The following PRKD3 variants were observed in gnomAD, a reference collection of about 807,000 sequenced individuals.
PRKD3 encodes the protein serine/threonine-protein kinase D3.
In PRKD3, 47 loss-of-function variants were observed where a neutral mutation model predicts 99.2. The observed-to-expected ratio is 0.47, with a 90% CI of 0.38 to 0.60. The LOEUF (loss-of-function observed/expected upper bound fraction) is 0.60. Ranked by LOEUF, PRKD3 falls within the 20% of genes least tolerant of loss-of-function variation. The pLI is 0.00. For synonymous variants in PRKD3, 392 were observed against 355.4 expected (o/e 1.10, Z -1.16); for missense variants, 1,019 against 1,088.4 (o/e 0.94, Z 0.90).
Position 37,316,224 on chromosome 2 carries a change from GCACA to G in PRKD3, c.288+9_288+12del. ...ACAATATTATTTACTACTGATAATA[GCACA>G]CACAGTACCTTTTGATAAACTATGG... On this transcript the variant is annotated intron_variant, in intron 2 of 18. Coordinates refer to ENST00000234179, the MANE Select transcript of PRKD3 (RefSeq NM_005813.6). 1.3e-6 allele frequency: 2 copies of G among 1,590,594 alleles called. No individual in the cohort carries two copies. The highest frequency in any genetic ancestry group is 1.7e-6 in the Non-Finnish European group (2 of 1,159,720).
intron 12 of PRKD3, 74 bp downstream of exon 12, chr2:37,272,306 T>C (rs1368679219): frequency 6.4e-7 from 1 of 1,564,508 alleles, no homozygotes; most frequent in African/African-American, 1.4e-5. Flanking sequence ...CCAATTTCTC[T>C]AATAAAGATT....
chr2:37,267,429 C>A lies in PRKD3; in HGVS notation c.1884+1G>T. On this transcript the variant is annotated splice_donor_variant, in intron 14 of 18. Transcript: ENST00000234179. LOFTEE classifies it high-confidence loss of function. ...ACCAGTTTTTTATTTTTTATTTTTA[C>A]CTGTAAAATAGCCACTTCATTACGG... is the stretch of plus-strand genomic sequence containing the variant. The A allele has an allele frequency of 6.4e-7, 1 of 1,554,588 alleles. No individual in the cohort carries two copies. Among genetic ancestry groups the A allele is most frequent in the Non-Finnish European group, 8.8e-7 (1 of 1,141,128 alleles).
intron 1 of PRKD3, among the ~76,000 whole-genome samples, 187 bp from the exon 2 acceptor site, chr2:37,317,366 G>C (rs1260905453): frequency 6.6e-6 from 1 of 151,640 alleles, no homozygotes; most frequent in Admixed American, 6.6e-5. Context: ...TAATTTCAGG[G>C]AGAGGCTCGA....
Position 37,293,227 on chromosome 2 carries a change from G to T in PRKD3, c.333C>A (p.Leu111=), listed in dbSNP as rs1670525158. Reference sequence around the variant, plus strand: ...TTTCTGAGTTCATGTCATGGCGAAAGAGAAGAATTTTGTCATACATGCCAA... The same window carrying T: ...TTTCTGAGTTCATGTCATGGCGAAATAGAAGAATTTTGTCATACATGCCAA... The part of the protein sequence containing the change: ...GFFGMYDKIL[L]FRHDMNSENI... Residue 111 remains leucine (L), a synonymous_variant, in exon 3 of 19, where the codon CTC becomes CTA. Coordinates refer to ENST00000234179, the MANE Select transcript of PRKD3 (RefSeq NM_005813.6). The T allele has an allele frequency of 6.2e-7, 1 of 1,603,396 alleles. No homozygotes were observed. Among genetic ancestry groups the T allele is most frequent in the African/African-American group, 1.3e-5 (1 of 74,916 alleles).
chr2:37,312,475 T>C (rs1671471690), intron 2 of PRKD3, among the ~76,000 whole-genome samples: 1 of 152,208 alleles, frequency 6.6e-6, no homozygotes, highest in Non-Finnish European at 1.5e-5. Flanking sequence ...AGTCAAAGTC[T>C]TGTTATAGCT....
chr2:37,303,448 G>A (rs1013398261), intron 2 of PRKD3, among the ~76,000 whole-genome samples: 2 of 152,074 alleles, frequency 1.3e-5, no homozygotes, highest in African/African-American at 4.8e-5. Context: ...TCCATGGATG[G>A]CAGACCTAAG....
chr2:37,303,636 G>C (rs1671036402), intron 2 of PRKD3, among the ~76,000 whole-genome samples: 1 of 152,086 alleles, frequency 6.6e-6, no homozygotes, highest in South Asian at 2.1e-4. Flanking sequence ...AAGAGGTTGA[G>C]TGTGGCGGAC....
chr2:37,292,824 T>A (rs11124577), intron 3 of PRKD3, among the ~76,000 whole-genome samples: 13,891 of 151,518 alleles, frequency 0.092, 1,073 homozygotes, highest in East Asian at 0.36. Context: ...TTTTTTTTTT[T>A]AAATTTTTAG....
At chr2:37,319,717 T>A (rs1671797411) in intron 1 of PRKD3, among the ~76,000 whole-genome samples, 2 of 151,974 alleles carry the variant, frequency 1.3e-5, no homozygotes, top group Admixed American at 1.3e-4. Context: ...CACAATTATG[T>A]TTATATCTAT....
At chr2:37,287,795 G>A (rs1344324244) in intron 5 of PRKD3, among the ~76,000 whole-genome samples, 3 of 152,194 alleles carry the variant, frequency 2.0e-5, no homozygotes, top group African/African-American at 7.2e-5. Context: ...AAGGGTCATA[G>A]TTACCAAAAT....
chr2:37,314,773 TA>T (rs1671585283), intron 2 of PRKD3, among the ~76,000 whole-genome samples: 1 of 152,124 alleles, frequency 6.6e-6, no homozygotes, highest in African/African-American at 2.4e-5. Flanking sequence ...TATTTAAGTT[TA>T]AAAATTAAAT....
intron 1 of PRKD3, among the ~76,000 whole-genome samples, chr2:37,321,128 T>C (rs1671867638): frequency 6.6e-6 from 1 of 152,180 alleles, no homozygotes; most frequent in Non-Finnish European, 1.5e-5. Context: ...GAAAGAAGAG[T>C]ACATCTTATT....
intron 2 of PRKD3, among the ~76,000 whole-genome samples, chr2:37,315,250 C>T (rs893848559): frequency 1.1e-4 from 17 of 152,074 alleles, no homozygotes; most frequent in Non-Finnish European, 1.9e-4. Flanking sequence ...AACATACTAG[C>T]CTCATCCATC....
chr2:37,320,847 C>T (rs1451173305), intron 1 of PRKD3, among the ~76,000 whole-genome samples: 1 of 152,142 alleles, frequency 6.6e-6, no homozygotes, highest in African/African-American at 2.4e-5. Context: ...GAACAAATTA[C>T]AACTATTCAT....
chr2:37,317,453 TCAATGAAGACCAAACACTTCTATGTTA>T (rs143278454), intron 1 of PRKD3, among the ~76,000 whole-genome samples: 10,349 of 152,114 alleles, frequency 0.068, 898 homozygotes, highest in African/African-American at 0.21. Context: ...TCATTTTTAA[TCAATGAAGACCAAACACTTCTATGTTA>T]CAATTACATG....
At chr2:37,284,576 C>G (rs998936900) in intron 6 of PRKD3, among the ~76,000 whole-genome samples, 1 of 152,154 alleles carries the variant, frequency 6.6e-6, no homozygotes, top group African/African-American at 2.4e-5. Flanking sequence ...CAAAACATTT[C>G]TCAGTGGCTG....
chr2:37,281,295 G>A (rs1409435929), intron 7 of PRKD3, among the ~76,000 whole-genome samples: 3 of 152,076 alleles, frequency 2.0e-5, no homozygotes, highest in Non-Finnish European at 1.5e-5. Context: ...AATACATGAA[G>A]TATAAATTTA....
rs1365630124 is a variant in PRKD3 at position 37,279,739 on chromosome 2, A to G, written c.1172+7T>C. On this transcript the variant is annotated splice_region_variant and intron_variant, in intron 8 of 18. Coordinates refer to ENST00000234179, the MANE Select transcript of PRKD3 (RefSeq NM_005813.6). ...TGGAAGTAGCTTGTAATATGTATAT[A>G]TATTACCTGATTGTTTTAACGGCTT... 11 of 1,610,632 alleles carry G rather than the reference A, an allele frequency of 6.8e-6. No individual in the cohort carries two copies. The highest frequency in any genetic ancestry group is 3.3e-4 in the Middle Eastern group (2 of 6,048).
Position 37,267,420 on chromosome 2 carries a change from T to C in PRKD3, c.1884+10A>G. ...CTTTAATAAACCAGTTTTTTATTTT[T>C]TATTTTTACCTGTAAAATAGCCACT... On this transcript the variant is annotated intron_variant, in intron 14 of 18. Transcript: ENST00000234179. 6.5e-7 allele frequency: 1 copy of C among 1,543,102 alleles called. No homozygotes were observed. The highest frequency in any genetic ancestry group is 8.8e-7 in the Non-Finnish European group (1 of 1,132,140).
Sources: gnomAD v4.1 joint callset for allele counts (sites outside exome capture counted in the v4.1 genomes callset) on GRCh38, gnomAD v4.1.1 for gene constraint, MANE v1.5 for transcripts, NCBI Gene and HGNC (gene_info 2026-07-23, HGNC 2026-07-21) for gene names.